Variants in POU2F1 observed in about 807,000 individuals in gnomAD.
The protein encoded by POU2F1 is POU class 2 homeobox 1, also known as POU domain, class 2, transcription factor 1.
POU2F1 carries 16 observed loss-of-function variants against 84.9 expected under a neutral mutation model. The observed-to-expected ratio is 0.19, with a 90% confidence interval of 0.13 to 0.29. The LOEUF is 0.29. Ranked by LOEUF, POU2F1 falls within the 10% of genes least tolerant of loss-of-function variation. The pLI, the probability that POU2F1 is intolerant of heterozygous loss-of-function variation, is 1.00. For missense variants in POU2F1, 738 were observed against 942.6 expected (o/e 0.78, Z 2.84); for synonymous variants, 368 against 368.3 (o/e 1.00, Z 0.01).
intron 1 of POU2F1, among the ~76,000 whole-genome samples, chr1:167,237,762 ATATATATATATTTTTT>A (rs1374068612): frequency 4.0e-4 from 8 of 19,992 alleles, no homozygotes; most frequent in East Asian, 2.6e-3. Flanking sequence ...ATATATATAT[ATATATATATATTTTTT>A]TTTTTTTTTT....
At chr1:167,390,625 G>T (rs1323958256) in intron 9 of POU2F1, among the ~76,000 whole-genome samples, 1 of 151,686 alleles carries the variant, frequency 6.6e-6, no homozygotes, top group African/African-American at 2.4e-5. Context: ...TCTCCAAAAA[G>T]TAAATAAATA....
chr1:167,354,193 C>A (rs1259468897), intron 2 of POU2F1, among the ~76,000 whole-genome samples: 2 of 152,144 alleles, frequency 1.3e-5, no homozygotes, highest in African/African-American at 2.4e-5. Context: ...TGGGTTATTT[C>A]TAGGCTTTTG....
At chr1:167,279,914 C>T (rs1442016424) in intron 1 of POU2F1, among the ~76,000 whole-genome samples, 1 of 152,076 alleles carries the variant, frequency 6.6e-6, no homozygotes, top group Admixed American at 6.5e-5. Context: ...GTATTTAAAA[C>T]CATATTGTTG....
At chr1:167,223,895 T>C (rs185659699) in intron 1 of POU2F1, among the ~76,000 whole-genome samples, 142 of 152,346 alleles carry the variant, frequency 9.3e-4, no homozygotes, top group Middle Eastern at 6.8e-3. Flanking sequence ...GATGATGTCA[T>C]TGGACAGAGG....
intron 1 of POU2F1, among the ~76,000 whole-genome samples, chr1:167,242,095 A>C (rs1475001734): frequency 2.0e-5 from 3 of 152,212 alleles, no homozygotes; most frequent in Admixed American, 2.0e-4. Context: ...GTTACCTGTT[A>C]GGTGCTAAAA....
chr1:167,223,108 A>G (rs1160126316), intron 1 of POU2F1, among the ~76,000 whole-genome samples: 1 of 152,216 alleles, frequency 6.6e-6, no homozygotes, highest in Non-Finnish European at 1.5e-5. Flanking sequence ...TATCATTGTC[A>G]TAGACTTGCT....
At chr1:167,271,245 T>C (rs1652349454) in intron 1 of POU2F1, among the ~76,000 whole-genome samples, 1 of 152,156 alleles carries the variant, frequency 6.6e-6, no homozygotes, top group Admixed American at 6.5e-5. Flanking sequence ...AACACCTAAC[T>C]GGGAAAGTGG....
intron 7 of POU2F1, chr1:167,381,138 A>C (rs1181889465): frequency 6.6e-6 from 1 of 152,178 alleles, no homozygotes; most frequent in African/African-American, 2.4e-5. Flanking sequence ...GCTGGAGTGC[A>C]GTGGTGTGAT....
intron 1 of POU2F1, among the ~76,000 whole-genome samples, 186 bp downstream of exon 1, chr1:167,221,144 G>C (rs1169554031): frequency 1.3e-5 from 2 of 151,450 alleles, no homozygotes; most frequent in Non-Finnish European, 3.0e-5. Context: ...GCTCGGAGCG[G>C]CCAGGCGGAG....
At chr1:167,305,092 G>A (rs79646714) in intron 1 of POU2F1, among the ~76,000 whole-genome samples, 1 of 152,194 alleles carries the variant, frequency 6.6e-6, no homozygotes, top group East Asian at 1.9e-4. Context: ...TTTAAAACCT[G>A]TCTCATTCCC....
intron 2 of POU2F1, among the ~76,000 whole-genome samples, chr1:167,342,754 G>C (rs1446225085): frequency 6.6e-6 from 1 of 152,152 alleles, no homozygotes; most frequent in Non-Finnish European, 1.5e-5. Context: ...CGTTTATCCA[G>C]AGGCCATTTT....
chr1:167,240,624 T>C (rs192764028), intron 1 of POU2F1, among the ~76,000 whole-genome samples: 11 of 152,318 alleles, frequency 7.2e-5, no homozygotes, highest in Admixed American at 3.3e-4. Flanking sequence ...CCAAGATAAG[T>C]GTTTCCTAGA....
chr1:167,384,370 T>C (rs922387065), intron 8 of POU2F1, among the ~76,000 whole-genome samples: 1 of 152,174 alleles, frequency 6.6e-6, no homozygotes, highest in Non-Finnish European at 1.5e-5. Context: ...TATGGTGCTT[T>C]AGCTCATTTC....
intron 1 of POU2F1, among the ~76,000 whole-genome samples, chr1:167,295,544 TA>T (rs1200916997): frequency 6.6e-6 from 1 of 152,110 alleles, no homozygotes; most frequent in African/African-American, 2.4e-5. Flanking sequence ...GAGTGCCAGA[TA>T]AAAAAACTAC....
At position 167,359,812 on chromosome 1, in the gene POU2F1, GT is replaced by G. The variant is rs34385360; in HGVS notation, c.128-5643del. 8.0e-3 allele frequency among the ~76,000 whole-genome samples: 1,057 copies of G among 132,708 alleles called. 13 individuals are homozygous for G. The highest frequency in any genetic ancestry group is 0.033 in the East Asian group (148 of 4,420). The allele number at this position is 132,708 out of a possible 152,430, so 87.1% of individuals were successfully genotyped here. A position where few individuals can be genotyped will look rare whatever the true frequency, so the allele number is the denominator to read the frequency against. On this transcript the variant is annotated intron_variant, in intron 2 of 15. Transcript: ENST00000367866. ...CATTCCTACCAACAGTGTGTACGTGGTTTTTTTTTTTTCAGCTTTGTCAACA... is the reference window on the plus strand; with the variant it reads ...CATTCCTACCAACAGTGTGTACGTGGTTTTTTTTTTTCAGCTTTGTCAACA...
chr1:167,384,031 T>A lies in POU2F1; in HGVS notation c.813+80T>A, dbSNP rs917982757. ...TTTGGACTTTATTTAATTTTTTTTT[T>A]AAATCTAATAAAAATAATTCGGTCT... On this transcript the variant is annotated intron_variant, in intron 8 of 15. Transcript: ENST00000367866. 39 of 895,044 alleles carry A rather than the reference T, an allele frequency of 4.4e-5. No homozygotes were observed. The African/African-American group carries it at 4.6e-4, about 11-fold the overall frequency. 55.4% of individuals were successfully genotyped at this position (895,044 alleles called of 1,614,324 possible).
At position 167,398,253 on chromosome 1, in the gene POU2F1, T is replaced by C. The variant is rs1181745936; in HGVS notation, c.1269+120T>C. Reference sequence around the variant, plus strand: ...GTCAGCCTCTGCTCTTATGGATGATTATAAATAGGTGAAGTAAGTAAGTTA... The same window carrying C: ...GTCAGCCTCTGCTCTTATGGATGATCATAAATAGGTGAAGTAAGTAAGTTA... On this transcript the variant is annotated intron_variant, in intron 11 of 15. Transcript: ENST00000367866. 6 of 1,196,530 alleles carry C rather than the reference T, an allele frequency of 5.0e-6. No homozygotes were observed. The Admixed American group carries it at 1.5e-4, about 30-fold the overall frequency. The allele number at this position is 1,196,530 out of a possible 1,614,324, so 74.1% of individuals were successfully genotyped here. A position where few individuals can be genotyped will look rare whatever the true frequency, so the allele number is the denominator to read the frequency against.
intron 11 of POU2F1, 54 bp downstream of exon 11, chr1:167,398,187 A>T: frequency 1.3e-6 from 2 of 1,558,116 alleles, no homozygotes; most frequent in Non-Finnish European, 1.7e-6. Context: ...AGTACTTAAC[A>T]TTAGTACTTA....
At chr1:167,346,539 A>G (rs34831081) in intron 2 of POU2F1, among the ~76,000 whole-genome samples, 15,324 of 152,144 alleles carry the variant, frequency 0.1, 1,971 homozygotes, top group African/African-American at 0.31. Context: ...TTTGGGGGAT[A>G]AAACTGTTTT....
Sources: allele counts gnomAD v4.1 joint callset (sites outside exome capture counted in the v4.1 genomes callset), GRCh38; gene constraint gnomAD v4.1.1; transcripts MANE v1.5; gene names NCBI Gene and HGNC (gene_info 2026-07-23, HGNC 2026-07-21).